The following C12orf56 variants were observed in gnomAD, a reference collection of about 807,000 sequenced individuals.
C12orf56 encodes the protein uncharacterized protein C12orf56.
A neutral mutation model predicts 69.9 loss-of-function variants in C12orf56; 71 were observed. The observed-to-expected ratio is 1.02, with a 90% CI of 0.84 to 1.24. The LOEUF (loss-of-function observed/expected upper bound fraction) is 1.24. C12orf56 is among the 50% of genes most tolerant of loss of function. The pLI is 0.00. For missense variants in C12orf56, 732 were observed against 738.5 expected, an observed-to-expected ratio of 0.99 and a Z score of 0.10; for synonymous variants, 276 against 274.1, an observed-to-expected ratio of 1.01 and a Z score of -0.07.
At chr12:64,358,882 A>C (rs2039359531) in intron 1 of C12orf56, among the ~76,000 whole-genome samples, 1 of 152,194 alleles carries the variant, frequency 6.6e-6, no homozygotes, top group Non-Finnish European at 1.5e-5. Context: ...ATTTAATTCA[A>C]CTTGGACTTA....
chr12:64,315,517 T>C (rs2038681083), intron 4 of C12orf56, among the ~76,000 whole-genome samples: 1 of 152,198 alleles, frequency 6.6e-6, no homozygotes, highest in South Asian at 2.1e-4. Flanking sequence ...GAAAGTTACA[T>C]ATAAAATGGA....
At chr12:64,315,873 G>A (rs2038685270) in intron 4 of C12orf56, among the ~76,000 whole-genome samples, 1 of 150,828 alleles carries the variant, frequency 6.6e-6, no homozygotes, top group Admixed American at 6.6e-5. Flanking sequence ...AGAGGTTGCA[G>A]TGAGCCAAGA....
intron 11 of C12orf56, among the ~76,000 whole-genome samples, chr12:64,273,718 T>G (rs913508328): frequency 6.6e-6 from 1 of 152,228 alleles, no homozygotes. Context: ...CTTGGCCATC[T>G]GCAGGCAGGG....
intron 3 of C12orf56, among the ~76,000 whole-genome samples, chr12:64,326,046 T>C (rs1408224604): frequency 1.3e-5 from 2 of 152,140 alleles, no homozygotes; most frequent in African/African-American, 2.4e-5. Flanking sequence ...TATACCCTTC[T>C]ACCTGAAACA....
intron 8 of C12orf56, among the ~76,000 whole-genome samples, chr12:64,283,638 TTCTC>T (rs974642313): frequency 2.0e-5 from 3 of 150,292 alleles, no homozygotes; most frequent in Non-Finnish European, 2.9e-5. Context: ...TGCCCTCTGC[TTCTC>T]TCTCTTTTTT....
chr12:64,279,827 AC>A (rs2038099981), intron 8 of C12orf56, among the ~76,000 whole-genome samples: 2 of 152,198 alleles, frequency 1.3e-5, no homozygotes, highest in South Asian at 4.1e-4. Context: ...CTTTGAGAAG[AC>A]CCTTTTAAAA....
chr12:64,323,368 T>A (rs11831579), intron 3 of C12orf56, among the ~76,000 whole-genome samples: 1 of 152,326 alleles, frequency 6.6e-6, no homozygotes, highest in African/African-American at 2.4e-5. Flanking sequence ...CAGATTAGAC[T>A]GACAGAGAGA....
chr12:64,329,039 TG>T (rs1235519881), intron 3 of C12orf56, among the ~76,000 whole-genome samples: 1 of 151,598 alleles, frequency 6.6e-6, no homozygotes. Flanking sequence ...CACCCCAGCC[TG>T]GGTGACAGAG....
chr12:64,350,375 T>C (rs2039206625), intron 2 of C12orf56, among the ~76,000 whole-genome samples: 1 of 152,194 alleles, frequency 6.6e-6, no homozygotes, highest in African/African-American at 2.4e-5. Context: ...ATTGCATTAG[T>C]TTGATAGGGC....
chr12:64,371,905 T>TTC (rs1468999707), intron 1 of C12orf56, among the ~76,000 whole-genome samples: 14 of 140,178 alleles, frequency 1.0e-4, no homozygotes, highest in African/African-American at 3.6e-4. Context: ...AATGATTTCT[T>TTC]TTTTTTTTTT....
chr12:64,390,088 G>C (rs1187981074), intron 1 of C12orf56, among the ~76,000 whole-genome samples: 1 of 152,128 alleles, frequency 6.6e-6, no homozygotes. Flanking sequence ...TAGGGGAGGC[G>C]GGAGAATGGG....
intron 5 of C12orf56, among the ~76,000 whole-genome samples, chr12:64,304,752 G>C (rs17763601): frequency 0.05 from 7,536 of 152,228 alleles, 295 homozygotes; most frequent in Middle Eastern, 0.13. Flanking sequence ...CCGTAGACTC[G>C]TTCTTGGACT....
At chr12:64,351,491 G>T (rs563677211) in intron 2 of C12orf56, among the ~76,000 whole-genome samples, 1 of 152,140 alleles carries the variant, frequency 6.6e-6, no homozygotes, top group Non-Finnish European at 1.5e-5. Flanking sequence ...GCCAAGCTTC[G>T]CAATTCATGG....
chr12:64,364,121 TG>T (rs1592490539), intron 1 of C12orf56, among the ~76,000 whole-genome samples: 1 of 152,024 alleles, frequency 6.6e-6, no homozygotes, highest in Admixed American at 6.6e-5. Flanking sequence ...CAGACTGGCC[TG>T]GGCAACATGG....
intron 1 of C12orf56, 73 bp downstream of exon 1, chr12:64,390,241 G>A (rs1355680268): frequency 6.7e-7 from 1 of 1,493,300 alleles, no homozygotes; most frequent in Non-Finnish European, 8.9e-7. Flanking sequence ...CGCGCAGGAG[G>A]GCTGGGTTTG....
At chr12:64,353,158 C>CATAT in intron 1 of C12orf56, 102 bp from the exon 2 acceptor site, 2 of 1,097,234 alleles carry the variant, frequency 1.8e-6, no homozygotes, top group South Asian at 1.4e-5. Flanking sequence ...TTTTTTTCCA[C>CATAT]ATATATATAT....
chr12:64,285,752 C>A (rs2136767728), intron 7 of C12orf56, among the ~76,000 whole-genome samples: 1 of 152,172 alleles, frequency 6.6e-6, no homozygotes, highest in Non-Finnish European at 1.5e-5. Flanking sequence ...CGTGCCACTG[C>A]ACTCCAGCCT....
chr12:64,293,545 C>T (rs1055666561), intron 6 of C12orf56, among the ~76,000 whole-genome samples: 1 of 151,958 alleles, frequency 6.6e-6, no homozygotes, highest in African/African-American at 2.4e-5. Context: ...TTGATTTAAA[C>T]GTAAGTTTAA....
rs2039108116 is a variant in C12orf56, at chr12:64,343,952, G to T, written c.415+8942C>A. Among the ~76,000 whole-genome samples the T allele has an allele frequency of 2.0e-5, 3 of 152,252 alleles. No individual in the cohort carries two copies. In the South Asian group the frequency reaches 6.2e-4, roughly 32 times the overall value. On this transcript the variant is annotated intron_variant, in intron 2 of 12. Coordinates refer to ENST00000543942, the MANE Select transcript of C12orf56 (RefSeq NM_001170633.2). ...TTATGCTGTCTGGCACTGGGGAAATGACCACAGGATGAGTCCAGGGGCCCA... is the reference window on the plus strand; with the variant it reads ...TTATGCTGTCTGGCACTGGGGAAATTACCACAGGATGAGTCCAGGGGCCCA...
Sources: gnomAD v4.1 joint callset for allele counts (sites outside exome capture counted in the v4.1 genomes callset) on GRCh38, gnomAD v4.1.1 for gene constraint, MANE v1.5 for transcripts, NCBI Gene and HGNC (gene_info 2026-07-23, HGNC 2026-07-21) for gene names.